KCNMB2: variants seen among roughly 807,000 people sequenced by gnomAD.
The protein encoded by KCNMB2 is calcium-activated potassium channel subunit beta-2.
KCNMB2 carries 9 observed loss-of-function variants against 24.5 expected under a neutral mutation model. That is an observed-to-expected ratio of 0.37 (90% CI 0.22 to 0.64). The LOEUF (loss-of-function observed/expected upper bound fraction) is 0.64, where lower values mean the gene tolerates loss of function less well. Ranked by LOEUF, KCNMB2 falls within the 30% of genes least tolerant of loss-of-function variation. KCNMB2 has a pLI of 0.63. For missense variants in KCNMB2, 226 were observed against 284.3 expected (o/e 0.79, Z 1.47); for synonymous variants, 109 against 104.4 (o/e 1.04, Z -0.27).
chr3:178,712,449 C>T (rs967184242), intron 1 of KCNMB2, among the ~76,000 whole-genome samples: 1 of 152,082 alleles, frequency 6.6e-6, no homozygotes, highest in South Asian at 2.1e-4. Context: ...AGGTGCCAGC[C>T]GAGAGTCTGG....
At chr3:178,702,778 A>G (rs1722147513) in intron 1 of KCNMB2, among the ~76,000 whole-genome samples, 1 of 145,572 alleles carries the variant, frequency 6.9e-6, no homozygotes, top group Non-Finnish European at 1.5e-5. Flanking sequence ...TCATGGAAGC[A>G]GGTGGAGTTA....
chr3:178,586,340 G>C (rs1177415252), intron 1 of KCNMB2, among the ~76,000 whole-genome samples: 1 of 151,896 alleles, frequency 6.6e-6, no homozygotes, highest in East Asian at 1.9e-4. Context: ...GAAAAAAAAA[G>C]AAACAAGTAA....
At chr3:178,827,799 A>G (rs535803761) in intron 3 of KCNMB2, among the ~76,000 whole-genome samples, 5 of 152,152 alleles carry the variant, frequency 3.3e-5, no homozygotes, top group Non-Finnish European at 4.4e-5. Flanking sequence ...AGTAAAACAT[A>G]CAGAGGTAGG....
chr3:178,540,974 C>T (rs370497082), intron 1 of KCNMB2, among the ~76,000 whole-genome samples: 22 of 152,236 alleles, frequency 1.4e-4, no homozygotes, highest in South Asian at 6.2e-4. Context: ...AATTGTCAAA[C>T]GAATGAACAA....
intron 1 of KCNMB2, among the ~76,000 whole-genome samples, chr3:178,571,524 T>C (rs997324989): frequency 2.7e-5 from 4 of 149,968 alleles, no homozygotes; most frequent in African/African-American, 7.3e-5. Context: ...TTTGTTTATG[T>C]ATTTATTTTA....
intron 2 of KCNMB2, among the ~76,000 whole-genome samples, chr3:178,817,132 A>G (rs1714432706): frequency 6.6e-6 from 1 of 151,074 alleles, no homozygotes; most frequent in South Asian, 2.1e-4. Flanking sequence ...TCACAGTGTT[A>G]CAAGACTTCC....
At chr3:178,555,688 T>A (rs142276030) in intron 1 of KCNMB2, among the ~76,000 whole-genome samples, 1 of 152,324 alleles carries the variant, frequency 6.6e-6, no homozygotes, top group Non-Finnish European at 1.5e-5. Context: ...GGGGAGGTAT[T>A]TTTGTTTACT....
At chr3:178,708,523 C>T (rs1162367910) in intron 1 of KCNMB2, among the ~76,000 whole-genome samples, 1 of 152,086 alleles carries the variant, frequency 6.6e-6, no homozygotes. Context: ...AGTCTGATGG[C>T]AGAGCTTATA....
chr3:178,828,408 A>C (rs1359027071), intron 4 of KCNMB2, 35 bp downstream of exon 4: 1 of 1,485,340 alleles, frequency 6.7e-7, no homozygotes, highest in Non-Finnish European at 9.3e-7. Flanking sequence ...CAGTTACCCC[A>C]CAGAGCTTCA....
intron 1 of KCNMB2, among the ~76,000 whole-genome samples, chr3:178,673,696 C>T (rs1317437941): frequency 6.6e-6 from 1 of 152,166 alleles, no homozygotes; most frequent in Non-Finnish European, 1.5e-5. Context: ...AGCCTAAAGG[C>T]AGCCTCAGGC....
intron 1 of KCNMB2, among the ~76,000 whole-genome samples, chr3:178,547,479 T>A (rs752116314): frequency 1.8e-4 from 27 of 152,184 alleles, no homozygotes; most frequent in Non-Finnish European, 2.9e-4. Context: ...AGGACTACAG[T>A]TCCCTTTCAT....
chr3:178,564,870 C>T (rs1405849439), intron 1 of KCNMB2, among the ~76,000 whole-genome samples: 2 of 152,138 alleles, frequency 1.3e-5, no homozygotes, highest in East Asian at 1.9e-4. Context: ...CAATTTTCCT[C>T]ATTGCAGCAT....
rs1467931188 is a variant in KCNMB2 at position 178,825,612 on chromosome 3, C to T, written c.81C>T (p.Asp27=). ...GAAATATTTACCAGAAAATCAGGGACCATGACCTCCTGGACAAAAGGAAAA... is the reference window on the plus strand; with the variant it reads ...GAAATATTTACCAGAAAATCAGGGATCATGACCTCCTGGACAAAAGGAAAA... ...EKRNIYQKIR[D]HDLLDKRKTV... is the part of the protein sequence containing the mutation. The change falls in exon 3 of 5, where the codon GAC becomes GAT. Residue 27 remains aspartate (D), a synonymous_variant. Coordinates refer to ENST00000452583, the MANE Select transcript of KCNMB2 (RefSeq NM_181361.3). The T allele has an allele frequency of 1.9e-6, 3 of 1,613,352 alleles. No homozygotes were observed. Among genetic ancestry groups the T allele is most frequent in the Non-Finnish European group, 2.5e-6 (3 of 1,179,596 alleles).
chr3:178,795,700 T>C (rs1713512533), intron 1 of KCNMB2, among the ~76,000 whole-genome samples: 1 of 152,170 alleles, frequency 6.6e-6, no homozygotes, highest in Non-Finnish European at 1.5e-5. Flanking sequence ...GGGAGGCAGA[T>C]TTTGGACCTC....
chr3:178,757,349 GAT>G (rs768743661), intron 1 of KCNMB2, among the ~76,000 whole-genome samples: 3,252 of 19,504 alleles, frequency 0.17, 461 homozygotes, highest in African/African-American at 0.34. Flanking sequence ...TATCCAAGAG[GAT>G]ATATATATAT....
At chr3:178,698,420 T>C (rs1033684458) in intron 1 of KCNMB2, among the ~76,000 whole-genome samples, 8 of 152,240 alleles carry the variant, frequency 5.3e-5, no homozygotes, top group Admixed American at 5.2e-4. Context: ...CTGCTATGAA[T>C]ACTTGTGATT....
At chr3:178,754,169 T>G (rs796853145) in intron 1 of KCNMB2, among the ~76,000 whole-genome samples, 4 of 82,898 alleles carry the variant, frequency 4.8e-5, no homozygotes, top group South Asian at 3.6e-4. Context: ...TATATATATA[T>G]ATATATATAC....
chr3:178,720,205 C>T (rs1427805482), intron 1 of KCNMB2, among the ~76,000 whole-genome samples: 2 of 152,002 alleles, frequency 1.3e-5, no homozygotes, highest in African/African-American at 4.8e-5. Context: ...TGTTCAATTC[C>T]CATCTATGAG....
chr3:178,778,501 C>CACA (rs914905947), intron 1 of KCNMB2, among the ~76,000 whole-genome samples: 21 of 143,190 alleles, frequency 1.5e-4, no homozygotes, highest in South Asian at 8.8e-4. Flanking sequence ...CACACACACA[C>CACA]ACCTGTTCCA....
Sources: allele counts gnomAD v4.1 joint callset (sites outside exome capture counted in the v4.1 genomes callset), GRCh38; gene constraint gnomAD v4.1.1; transcripts MANE v1.5; gene names NCBI Gene and HGNC (gene_info 2026-07-23, HGNC 2026-07-21).